SLC31A1: variants seen among roughly 807,000 people sequenced by gnomAD.
The protein encoded by SLC31A1 is solute carrier family 31 member 1.
A neutral mutation model predicts 17.2 loss-of-function variants in SLC31A1; 5 were observed. The observed-to-expected ratio is 0.29, with a 90% CI of 0.15 to 0.61. The LOEUF (loss-of-function observed/expected upper bound fraction) is 0.61, where lower values mean the gene tolerates loss of function less well. Ranked by LOEUF, SLC31A1 falls within the 20% of genes least tolerant of loss-of-function variation. The probability of loss-of-function intolerance (pLI) is 0.86; values close to 1 mark genes in which losing one functional copy is unlikely to be tolerated. For synonymous variants in SLC31A1, 76 were observed against 78.8 expected (o/e 0.96, Z 0.19); for missense variants, 161 against 241.4 (o/e 0.67, Z 2.21).
chr9:113,242,914 T>A (rs1309817355), intron 1 of SLC31A1, among the ~76,000 whole-genome samples: 1 of 152,228 alleles, frequency 6.6e-6, no homozygotes, highest in African/African-American at 2.4e-5. Context: ...ATGAGTTTTG[T>A]TTACAGTCTC....
Position 113,263,372 on chromosome 9 carries a change from T to C in SLC31A1, c.*2899T>C, listed in dbSNP as rs1325604486. 2.6e-5 allele frequency: 4 copies of C among 152,526 alleles called. No individual in the cohort carries two copies. Among genetic ancestry groups the C allele is most frequent in the Admixed American group, 2.6e-4 (4 of 15,284 alleles). The allele number at this position is 152,526 out of a possible 1,614,324, so 9.4% of individuals were successfully genotyped here. ...TCCATCTTGAGCTCTTGGATTGTGA[T>C]AATACAATGATTTCATTAACTTTTC... On this transcript the variant is annotated 3_prime_UTR_variant, in exon 5 of 5. Coordinates refer to ENST00000374212, the MANE Select transcript of SLC31A1 (RefSeq NM_001859.4).
At chr9:113,250,754 T>G (rs975516491) in intron 1 of SLC31A1, among the ~76,000 whole-genome samples, 2 of 152,058 alleles carry the variant, frequency 1.3e-5, no homozygotes, top group African/African-American at 4.8e-5. Flanking sequence ...GTCCCTGAGT[T>G]ATATATTCAG....
At chr9:113,237,572 A>G (rs915436120) in intron 1 of SLC31A1, among the ~76,000 whole-genome samples, 4 of 152,200 alleles carry the variant, frequency 2.6e-5, no homozygotes, top group African/African-American at 9.7e-5. Flanking sequence ...GGACCATGCT[A>G]CGAATAATGA....
chr9:113,245,761 A>C (rs2119003418), intron 1 of SLC31A1, among the ~76,000 whole-genome samples: 2 of 151,718 alleles, frequency 1.3e-5, no homozygotes, highest in South Asian at 4.2e-4. Flanking sequence ...CCTCTCAAGT[A>C]GTTGAGACTA....
intron 1 of SLC31A1, among the ~76,000 whole-genome samples, chr9:113,228,758 T>C (rs1231855649): frequency 6.6e-6 from 1 of 152,246 alleles, no homozygotes; most frequent in East Asian, 1.9e-4. Context: ...TGTTATGGAT[T>C]CACCTAACTA....
chr9:113,240,998 C>T (rs1231736313), intron 1 of SLC31A1, among the ~76,000 whole-genome samples: 4 of 147,858 alleles, frequency 2.7e-5, no homozygotes, highest in East Asian at 2.0e-4. Flanking sequence ...TGCAGTGAGC[C>T]GAGATCGTGC....
intron 1 of SLC31A1, among the ~76,000 whole-genome samples, chr9:113,255,531 C>T (rs562418911): frequency 6.6e-6 from 1 of 152,280 alleles, no homozygotes; most frequent in African/African-American, 2.4e-5. Context: ...GCCTGGGCAA[C>T]ACGAGACCTC....
chr9:113,241,950 G>A (rs1400289895), intron 1 of SLC31A1, among the ~76,000 whole-genome samples: 1 of 152,218 alleles, frequency 6.6e-6, no homozygotes, highest in East Asian at 1.9e-4. Flanking sequence ...GCTCTTCAGA[G>A]CTCTTAAAAC....
chr9:113,257,435 T>C (rs551881306), intron 3 of SLC31A1, among the ~76,000 whole-genome samples: 1 of 151,932 alleles, frequency 6.6e-6, no homozygotes, highest in South Asian at 2.1e-4. Flanking sequence ...CCAGATAGAA[T>C]CTTTTGCAAT....
At chr9:113,246,237 G>T (rs925315654) in intron 1 of SLC31A1, among the ~76,000 whole-genome samples, 3 of 151,666 alleles carry the variant, frequency 2.0e-5, no homozygotes, top group African/African-American at 7.3e-5. Flanking sequence ...TACAGACGAG[G>T]TTTCACCATG....
chr9:113,226,198 G>A (rs1178990676), intron 1 of SLC31A1, among the ~76,000 whole-genome samples: 2 of 151,764 alleles, frequency 1.3e-5, no homozygotes, highest in African/African-American at 4.8e-5. Context: ...ATTTCAACTA[G>A]CAGTTGTCAG....
chr9:113,262,112 A>G lies in SLC31A1; in HGVS notation c.*1639A>G, dbSNP rs1484093331. On this transcript the variant is annotated 3_prime_UTR_variant, in exon 5 of 5. Coordinates refer to ENST00000374212, the MANE Select transcript of SLC31A1 (RefSeq NM_001859.4). ...GATCTGCAGTGTAAATCTACCAGTC[A>G]TGGGCCAGAAGGGCAAAAGCCCAGC... 2 of 152,464 alleles carry G rather than the reference A, an allele frequency of 1.3e-5. No homozygotes were observed. Among genetic ancestry groups the G allele is most frequent in the Admixed American group, 6.5e-5 (1 of 15,282 alleles). 9.4% of individuals were successfully genotyped at this position (152,464 alleles called of 1,614,324 possible).
chr9:113,255,795 C>T (rs1309150974), intron 1 of SLC31A1: 1 of 175,342 alleles, frequency 5.7e-6, no homozygotes, highest in Admixed American at 5.6e-5. Flanking sequence ...CTTTCTCTCT[C>T]CATCTGTAGA....
At chr9:113,222,358 CA>C (rs1229406332) in intron 1 of SLC31A1, among the ~76,000 whole-genome samples, 1 of 152,198 alleles carries the variant, frequency 6.6e-6, no homozygotes, top group Non-Finnish European at 1.5e-5. Context: ...CTTCCTGCGA[CA>C]GCCCTAAATC....
intron 1 of SLC31A1, among the ~76,000 whole-genome samples, chr9:113,225,166 G>A (rs775167850): frequency 6.6e-6 from 1 of 152,242 alleles, no homozygotes; most frequent in Non-Finnish European, 1.5e-5. Flanking sequence ...GGAACCAGAA[G>A]TGTTGTTCCC....
intron 1 of SLC31A1, among the ~76,000 whole-genome samples, chr9:113,243,252 G>A (rs1047035289): frequency 1.3e-5 from 2 of 152,088 alleles, no homozygotes; most frequent in African/African-American, 2.4e-5. Flanking sequence ...ATATTTTGTT[G>A]TTTATGTAGT....
chr9:113,255,549 C>T (rs531441639), intron 1 of SLC31A1, among the ~76,000 whole-genome samples: 3 of 152,138 alleles, frequency 2.0e-5, no homozygotes, highest in South Asian at 4.2e-4. Context: ...CTCATCTGTA[C>T]GATAAAACAA....
Position 113,258,826 on chromosome 9 carries a change from A to G in SLC31A1, c.335A>G (p.Asn112Ser). The G allele has an allele frequency of 6.2e-7, 1 of 1,614,260 alleles. No homozygotes were observed. Among genetic ancestry groups the G allele is most frequent in the African/African-American group, 1.3e-5 (1 of 75,080 alleles). ...AATTCCATGCCTGTCCCAGGACCAAATGGAACCATCCTTATGGAGACACAC... is the reference window on the plus strand; with the variant it reads ...AATTCCATGCCTGTCCCAGGACCAAGTGGAACCATCCTTATGGAGACACAC... ...RYNSMPVPGPNGTILMETHKT... is the reference protein window; with the variant it reads ...RYNSMPVPGPSGTILMETHKT... The change falls in exon 4 of 5, where the codon AAT (asparagine) becomes AGT (serine). Residue 112 changes from asparagine to serine, a missense_variant. Coordinates refer to ENST00000374212, the MANE Select transcript of SLC31A1 (RefSeq NM_001859.4). This position sits in a 1 kb window ranked among gnomAD's most constrained non-coding sequence, Gnocchi z 4.8.
At position 113,260,416 on chromosome 9, in the gene SLC31A1, C is replaced by T. The variant is rs1831778635; in HGVS notation, c.516C>T (p.Tyr172=). The change falls in exon 5 of 5, where the codon TAC becomes TAT. Residue 172 remains tyrosine, a synonymous_variant. Transcript: ENST00000374212. ...TAGCAGCAGGGGCCGGTACAGGATA[C>T]TTCCTCTTCAGCTGGAAGAAGGCAG... ...IAVAAGAGTG[Y]FLFSWKKAVV... 1.2e-6 allele frequency: 2 copies of T among 1,614,186 alleles called. No homozygotes were observed. The highest frequency in any genetic ancestry group is 1.7e-6 in the Non-Finnish European group (2 of 1,180,034).
Sources: gnomAD v4.1 joint callset for allele counts (sites outside exome capture counted in the v4.1 genomes callset) on GRCh38, gnomAD v4.1.1 for gene constraint, Gnocchi (gnomAD v3.1) non-coding constraint, MANE v1.5 for transcripts, NCBI Gene and HGNC (gene_info 2026-07-23, HGNC 2026-07-21) for gene names.